MTG2: variants seen among roughly 807,000 people sequenced by gnomAD.
The protein encoded by MTG2 is mitochondrial ribosome associated GTPase 2.
A neutral mutation model predicts 28.6 loss-of-function variants in MTG2; 23 were observed. That is an observed-to-expected ratio of 0.80 (90% CI 0.58 to 1.14). MTG2 has a LOEUF of 1.14. Ranked by LOEUF, MTG2 falls within the 50% of genes most tolerant of loss-of-function variation. The probability of loss-of-function intolerance (pLI) is 0.00; values close to 1 mark genes in which losing one functional copy is unlikely to be tolerated. For missense variants in MTG2, 539 were observed against 552.0 expected (o/e 0.98, Z 0.24); for synonymous variants, 260 against 251.8 (o/e 1.03, Z -0.31).
Position 62,202,046 on chromosome 20 carries a change from A to G in MTG2, c.*969A>G, listed in dbSNP as rs1206412938. 1 of 152,246 alleles carries G rather than the reference A, an allele frequency of 6.6e-6. No homozygotes were observed. The highest frequency in any genetic ancestry group is 2.4e-5 in the African/African-American group (1 of 41,460). The allele number at this position is 152,246 out of a possible 1,614,324, so 9.4% of individuals were successfully genotyped here. A position where few individuals can be genotyped will look rare whatever the true frequency, so the allele number is the denominator to read the frequency against. On this transcript the variant is annotated 3_prime_UTR_variant, in exon 7 of 7. Coordinates refer to ENST00000370823, the MANE Select transcript of MTG2 (RefSeq NM_015666.4). ...GCAGTTACCGAGCCGAAGGGAGATG[A>G]TGGGCCTTCGCCCCTCAGTGGGATG... is the stretch of plus-strand genomic sequence containing the variant.
intron 1 of MTG2, among the ~76,000 whole-genome samples, chr20:62,184,369 C>CAA (rs11477749): frequency 8.8e-5 from 13 of 147,012 alleles, no homozygotes; most frequent in Admixed American, 2.7e-4. Flanking sequence ...AAAACATACC[C>CAA]AAAAAAAAAA....
intron 1 of MTG2, among the ~76,000 whole-genome samples, chr20:62,184,255 G>A (rs756371605): frequency 6.6e-6 from 1 of 152,170 alleles, no homozygotes; most frequent in Non-Finnish European, 1.5e-5. Context: ...CTACTGGGGA[G>A]GCTGAGGCAG....
chr20:62,185,442 A>T (rs8183274), intron 1 of MTG2, among the ~76,000 whole-genome samples: 21,872 of 151,534 alleles, frequency 0.14, 1,677 homozygotes, highest in South Asian at 0.25. Flanking sequence ...TAAAAAATAA[A>T]ATATATACAC....
chr20:62,184,256 GC>G (rs1161184093), intron 1 of MTG2, among the ~76,000 whole-genome samples: 2 of 152,166 alleles, frequency 1.3e-5, no homozygotes, highest in Admixed American at 6.5e-5. Context: ...TACTGGGGAG[GC>G]TGAGGCAGGA....
chr20:62,198,902 A>ATCCACTTT (rs1166771609), intron 5 of MTG2, 50 bp downstream of exon 5: 4 of 1,608,358 alleles, frequency 2.5e-6, no homozygotes, highest in Non-Finnish European at 3.4e-6. Context: ...GCTCTAGAAA[A>ATCCACTTT]TCCACTTTTC....
chr20:62,186,470 A>G (rs190948552), intron 1 of MTG2, among the ~76,000 whole-genome samples: 174 of 148,378 alleles, frequency 1.2e-3, no homozygotes, highest in Non-Finnish European at 2.1e-3. Flanking sequence ...TGATTTTTTT[A>G]TATTAGCCTG....
Position 62,200,654 on chromosome 20 carries a change from C to A in MTG2, c.827-29C>A. 4 of 1,559,410 alleles carry A rather than the reference C, an allele frequency of 2.6e-6. No individual in the cohort carries two copies. In the South Asian group the frequency reaches 4.8e-5, roughly 19 times the overall value. On this transcript the variant is annotated intron_variant, in intron 6 of 6. Transcript: ENST00000370823. ...TTGGGTGCTGGGTGTGCCAAGTGGT[C>A]ACCTCGTGTGCCCCTGTCTTCCCTG...
chr20:62,187,723 C>T (rs377226205), intron 1 of MTG2, among the ~76,000 whole-genome samples: 2 of 152,166 alleles, frequency 1.3e-5, no homozygotes, highest in African/African-American at 2.4e-5. Context: ...TGCGCTCTCT[C>T]GTTTTCCTGA....
chr20:62,185,336 C>T (rs74177983), intron 1 of MTG2, among the ~76,000 whole-genome samples: 29,097 of 151,896 alleles, frequency 0.19, 3,106 homozygotes, highest in African/African-American at 0.28. Context: ...CCCTTGAACC[C>T]GGGAGGCAGA....
Position 62,201,044 on chromosome 20 carries a change from G to A in MTG2, c.1188G>A (p.Glu396=), listed in dbSNP as rs758710566. The part of the protein sequence containing the change: ...KVLYDAYAEA[E]LGQGRQPLRW ...TGTATGACGCCTACGCGGAGGCCGA[G>A]CTGGGCCAGGGCCGCCAGCCGCTCA... The change falls in exon 7 of 7, where the codon GAG becomes GAA. Residue 396 remains glutamate, a synonymous_variant. Coordinates refer to ENST00000370823, the MANE Select transcript of MTG2 (RefSeq NM_015666.4). 3.1e-6 allele frequency: 5 copies of A among 1,602,370 alleles called. No individual in the cohort carries two copies. In the South Asian group the frequency reaches 3.3e-5, roughly 11 times the overall value.
chr20:62,196,719 A>G (rs2058066166), intron 3 of MTG2, among the ~76,000 whole-genome samples: 1 of 151,744 alleles, frequency 6.6e-6, no homozygotes, highest in African/African-American at 2.4e-5. Context: ...ATGTATGGAT[A>G]TCATTTTTAT....
rs1230502022 is a variant in MTG2 at position 62,202,444 on chromosome 20, AACAAACAAAC to A, written c.*1369_*1378del. ...GAGCGAGACCCTGTCTCAAAAAACAAACAAACAAACAAACAAAAACAGAACATTCTGGGCA... is the reference window on the plus strand; with the variant it reads ...GAGCGAGACCCTGTCTCAAAAAACAAAAACAAAAACAGAACATTCTGGGCA... On this transcript the variant is annotated 3_prime_UTR_variant, in exon 7 of 7. Transcript: ENST00000370823. 1 of 113,426 alleles carries A rather than the reference AACAAACAAAC, an allele frequency of 8.8e-6. No homozygotes were observed. Among genetic ancestry groups the A allele is most frequent in the East Asian group, 2.5e-4 (1 of 3,966 alleles). The allele number at this position is 113,426 out of a possible 1,614,324, so 7.0% of individuals were successfully genotyped here.
At chr20:62,184,364 A>T (rs569767789) in intron 1 of MTG2, among the ~76,000 whole-genome samples, 1 of 140,044 alleles carries the variant, frequency 7.1e-6, no homozygotes, top group Admixed American at 7.5e-5. Flanking sequence ...TCTCAAAAAC[A>T]TACCCAAAAA....
At chr20:62,194,684 G>A (rs1042856469) in intron 2 of MTG2, among the ~76,000 whole-genome samples, 9 of 152,164 alleles carry the variant, frequency 5.9e-5, no homozygotes, top group South Asian at 2.1e-4. Context: ...GTATTGGATC[G>A]GAGTGCAGAG....
chr20:62,197,810 TGTC>T (rs775650686), intron 3 of MTG2, 39 bp from the exon 4 acceptor site: 31 of 1,572,268 alleles, frequency 2.0e-5, no homozygotes, highest in Non-Finnish European at 2.5e-5. Flanking sequence ...AGGCCATGGT[TGTC>T]GTAACACAAA....
In MTG2 at chr20:62,203,116, G is replaced by C. The variant is rs1008755823; in HGVS notation, c.*2039G>C. ...CAAAGGATTTTGTGGAGTCGCCCCAGGCCTGACGGCGTTAATTATCCCTGG... is the reference window on the plus strand; with the variant it reads ...CAAAGGATTTTGTGGAGTCGCCCCACGCCTGACGGCGTTAATTATCCCTGG... On this transcript the variant is annotated 3_prime_UTR_variant, in exon 7 of 7. Transcript: ENST00000370823. 6.6e-6 allele frequency: 1 copy of C among 152,202 alleles called. No homozygotes were observed. The highest frequency in any genetic ancestry group is 1.5e-5 in the Non-Finnish European group (1 of 68,044). The allele number at this position is 152,202 out of a possible 1,614,324, so 9.4% of individuals were successfully genotyped here.
In MTG2 at chr20:62,193,510, G is replaced by T. The variant is rs1349944072; in HGVS notation, c.90G>T (p.Lys30Asn). ...CTTTGTCCACATGGGCTGGCCTGAAGCCCAGCCGGCTACTGCCACAGCGGG... is the reference window on the plus strand; with the variant it reads ...CTTTGTCCACATGGGCTGGCCTGAATCCCAGCCGGCTACTGCCACAGCGGG... ...HWALSTWAGL[K>N]PSRLLPQRAS... The change falls in exon 2 of 7, where the codon AAG becomes AAT. Residue 30 changes from lysine to asparagine, a missense_variant. Transcript: ENST00000370823. The T allele has an allele frequency of 6.2e-7, 1 of 1,614,192 alleles. No homozygotes were observed. Among genetic ancestry groups the T allele is most frequent in the Admixed American group, 1.7e-5 (1 of 60,028 alleles).
rs772737298 is a variant in MTG2 at position 62,198,851 on chromosome 20, T to C, written c.686T>C (p.Met229Thr). Residue 229 changes from methionine (M) to threonine (T), a missense_variant and splice_region_variant, in exon 5 of 7, where the codon ATG (methionine) becomes ACG (threonine). By Grantham distance (81) the Met-to-Thr change is moderately conservative (BLOSUM62 -1). Coordinates refer to ENST00000370823, the MANE Select transcript of MTG2 (RefSeq NM_015666.4). ...CTCAAGACGGTGGCCCACGCCGGAA[T>C]GGTAGGTGTCCCCACTGCCAACAGC... is the stretch of plus-strand genomic sequence containing the variant. ...LELKTVAHAG[M>T]VGFPNAGKSS... The C allele has an allele frequency of 6.2e-7, 1 of 1,614,004 alleles. No individual in the cohort carries two copies. Among genetic ancestry groups the C allele is most frequent in the Non-Finnish European group, 8.5e-7 (1 of 1,180,024 alleles).
Position 62,198,684 on chromosome 20 carries a change from G to A in MTG2, c.519G>A (p.Leu173=), listed in dbSNP as rs779754230. 2.1e-5 allele frequency: 34 copies of A among 1,614,002 alleles called. No individual in the cohort carries two copies. The highest frequency in any genetic ancestry group is 2.7e-5 in the Non-Finnish European group (32 of 1,180,032). ...AGGGAGGCAGAGTTGTGGCCGACCT[G>A]TCTTGCGTGGGAGATGAGTACATTG... ...VKEGGRVVAD[L]SCVGDEYIAA... is the part of the protein sequence containing the mutation. The change falls in exon 5 of 7, where the codon CTG becomes CTA. Residue 173 remains leucine, a synonymous_variant. Transcript: ENST00000370823.
Sources: allele counts gnomAD v4.1 joint callset (sites outside exome capture counted in the v4.1 genomes callset), GRCh38; gene constraint gnomAD v4.1.1; transcripts MANE v1.5; gene names NCBI Gene and HGNC (gene_info 2026-07-23, HGNC 2026-07-21).